PPFIA2: variants seen among roughly 807,000 people sequenced by gnomAD.
PPFIA2 encodes the protein PPFI scaffold protein A2, also known as liprin-alpha-2.
A neutral mutation model predicts 175.5 loss-of-function variants in PPFIA2; 46 were observed. That is an observed-to-expected ratio of 0.26 (90% confidence interval 0.21 to 0.34). PPFIA2 has a LOEUF of 0.34. Ranked by LOEUF, PPFIA2 falls within the 10% of genes least tolerant of loss-of-function variation. The pLI, the probability that PPFIA2 is intolerant of heterozygous loss-of-function variation, is 1.00. For synonymous variants in PPFIA2, 568 were observed against 511.4 expected, an observed-to-expected ratio of 1.11 and a Z score of -1.49; for missense variants, 1,179 against 1,506.1, an observed-to-expected ratio of 0.78 and a Z score of 3.60.
At chr12:81,368,589 C>A in intron 13 of PPFIA2, 136 bp downstream of exon 13, 1 of 934,560 alleles carries the variant, frequency 1.1e-6, no homozygotes, top group South Asian at 2.4e-5. Context: ...ATATGCATTC[C>A]TTTCTAAGAA....
At chr12:81,745,028 T>A (rs1389246047) in intron 3 of PPFIA2, among the ~76,000 whole-genome samples, 1 of 152,234 alleles carries the variant, frequency 6.6e-6, no homozygotes, top group African/African-American at 2.4e-5. Context: ...ATGAATAAGC[T>A]GAATTTAGTA....
chr12:81,685,542 G>A (rs1425499613), intron 3 of PPFIA2, among the ~76,000 whole-genome samples: 1 of 152,032 alleles, frequency 6.6e-6, no homozygotes, highest in Non-Finnish European at 1.5e-5. Flanking sequence ...TTTTGTGGCT[G>A]AGGCACTGTA....
Position 81,754,048 on chromosome 12 carries a change from A to G in PPFIA2, c.174T>C (p.Leu58=). 6.2e-7 allele frequency: 1 copy of G among 1,613,880 alleles called. No individual in the cohort carries two copies. Among genetic ancestry groups the G allele is most frequent in the African/African-American group, 1.3e-5 (1 of 75,030 alleles). The change falls in exon 3 of 33, where the codon CTT becomes CTC. Residue 58 remains leucine, a synonymous_variant. Transcript: ENST00000549396. ...TLRETQESLS[L]AQQRLQDVIY... ...TGACATCCTGAAGTCTTTGCTGGGC[A>G]AGTGAGAGGCTTTCCTGGGTCTCCC...
intron 3 of PPFIA2, among the ~76,000 whole-genome samples, chr12:81,683,780 T>C (rs1165126441): frequency 1.3e-5 from 2 of 152,034 alleles, no homozygotes; most frequent in African/African-American, 4.8e-5. Flanking sequence ...TAATAAAAAT[T>C]AAATAAAGAA....
intron 6 of PPFIA2, among the ~76,000 whole-genome samples, chr12:81,442,752 GA>G (rs2050399285): frequency 6.8e-6 from 1 of 147,254 alleles, no homozygotes; most frequent in East Asian, 2.0e-4. Flanking sequence ...AATCCTTGTA[GA>G]GTTTATTTAG....
intron 5 of PPFIA2, among the ~76,000 whole-genome samples, chr12:81,451,167 GAA>G (rs2145551735): frequency 6.6e-6 from 1 of 151,940 alleles, no homozygotes; most frequent in African/African-American, 2.4e-5. Flanking sequence ...GTTTGTGTGT[GAA>G]TATATATATA....
intron 30 of PPFIA2, among the ~76,000 whole-genome samples, chr12:81,263,717 C>T (rs1372427620): frequency 1.3e-5 from 2 of 151,936 alleles, no homozygotes; most frequent in East Asian, 1.9e-4. Context: ...CACTTTATGC[C>T]GACGGGTTTT....
intron 5 of PPFIA2, among the ~76,000 whole-genome samples, chr12:81,447,218 C>T (rs2051460365): frequency 6.6e-6 from 1 of 152,072 alleles, no homozygotes; most frequent in Non-Finnish European, 1.5e-5. Context: ...TTATCAATCT[C>T]TGATTATATT....
intron 3 of PPFIA2, among the ~76,000 whole-genome samples, chr12:81,722,978 A>G (rs1263814115): frequency 6.6e-6 from 1 of 151,130 alleles, no homozygotes; most frequent in Non-Finnish European, 1.5e-5. Context: ...ATACATGAAT[A>G]ACACATCAAT....
intron 8 of PPFIA2, among the ~76,000 whole-genome samples, chr12:81,387,451 A>G (rs2039231596): frequency 6.6e-6 from 1 of 152,174 alleles, no homozygotes; most frequent in South Asian, 2.1e-4. Context: ...AGAAAGATAA[A>G]ACACAGAGAA....
At chr12:81,396,582 T>A (rs1467009801) in intron 8 of PPFIA2, among the ~76,000 whole-genome samples, 1 of 152,046 alleles carries the variant, frequency 6.6e-6, no homozygotes, top group East Asian at 1.9e-4. Flanking sequence ...TGGAAAGAAG[T>A]TGCAGAGTTT....
intron 4 of PPFIA2, among the ~76,000 whole-genome samples, chr12:81,585,013 TA>T (rs2075075845): frequency 1.0e-5 from 1 of 95,928 alleles, no homozygotes; most frequent in African/African-American, 3.9e-5. Flanking sequence ...TAATTATATT[TA>T]TATATAATAT....
intron 7 of PPFIA2, among the ~76,000 whole-genome samples, chr12:81,423,616 G>A (rs544735185): frequency 3.3e-5 from 5 of 152,198 alleles, no homozygotes; most frequent in South Asian, 2.1e-4. Flanking sequence ...AAGATCATGC[G>A]GGAAAAGTAC....
chr12:81,475,241 CTG>C (rs2057329028), intron 4 of PPFIA2, among the ~76,000 whole-genome samples: 1 of 152,086 alleles, frequency 6.6e-6, no homozygotes, highest in Non-Finnish European at 1.5e-5. Flanking sequence ...GAAATAGAGA[CTG>C]TGTATTTGTT....
In PPFIA2 at chr12:81,461,102, C is replaced by G. The variant is rs1220204047; in HGVS notation, c.304-3236G>C. The stretch of plus-strand genomic sequence containing the variant: ...CAACTTTAACTTTCAAAATTCAAAC[C>G]ACCCAAAACATAACCCTTTCATAAC... On this transcript the variant is annotated intron_variant, in intron 4 of 32. Coordinates refer to ENST00000549396, the MANE Select transcript of PPFIA2 (RefSeq NM_003625.5). Among the ~76,000 whole-genome samples, 5 of 151,990 alleles carry G rather than the reference C, an allele frequency of 3.3e-5. No homozygotes were observed. In the East Asian group the frequency reaches 9.6e-4, roughly 29 times the overall value.
At chr12:81,517,901 T>C (rs780984969) in intron 4 of PPFIA2, among the ~76,000 whole-genome samples, 11 of 145,374 alleles carry the variant, frequency 7.6e-5, no homozygotes, top group Non-Finnish European at 1.6e-4. Flanking sequence ...CACTGCCTGC[T>C]ACCTTTCCTT....
chr12:81,669,283 G>T (rs2070964328), intron 4 of PPFIA2, among the ~76,000 whole-genome samples: 1 of 151,760 alleles, frequency 6.6e-6, no homozygotes, highest in Non-Finnish European at 1.5e-5. Context: ...TTTTATTCCA[G>T]AATTATTATA....
chr12:81,516,248 G>T (rs1235729947), intron 4 of PPFIA2, among the ~76,000 whole-genome samples: 2 of 151,996 alleles, frequency 1.3e-5, no homozygotes, highest in African/African-American at 4.8e-5. Flanking sequence ...TGTAAGAGGA[G>T]GATAATTCTT....
chr12:81,517,366 C>T (rs886449411), intron 4 of PPFIA2, among the ~76,000 whole-genome samples: 4 of 152,260 alleles, frequency 2.6e-5, no homozygotes, highest in Non-Finnish European at 5.9e-5. Context: ...ACTACTGCAA[C>T]GATGAGGAAG....
Sources: gnomAD v4.1 joint callset for allele counts (sites outside exome capture counted in the v4.1 genomes callset) on GRCh38, gnomAD v4.1.1 for gene constraint, MANE v1.5 for transcripts, NCBI Gene and HGNC (gene_info 2026-07-23, HGNC 2026-07-21) for gene names.